Variants in CABLES1 observed in about 807,000 individuals in gnomAD.
CABLES1 encodes Cdk5 and Abl enzyme substrate 1.
Under a neutral mutation model 57.8 loss-of-function variants are expected in CABLES1, and 36 were observed. The observed-to-expected ratio is 0.62, with a 90% CI of 0.48 to 0.82. The LOEUF (loss-of-function observed/expected upper bound fraction) is 0.82, where lower values mean the gene tolerates loss of function less well. Ranked by LOEUF, CABLES1 falls within the 40% of genes least tolerant of loss-of-function variation. The pLI is 0.00. For missense variants in CABLES1, 767 were observed against 836.6 expected, an observed-to-expected ratio of 0.92 and a Z score of 1.03; for synonymous variants, 374 against 363.0, an observed-to-expected ratio of 1.03 and a Z score of -0.35.
At chr18:23,214,121 T>G (rs778417164) in intron 4 of CABLES1, 67 bp downstream of exon 4, 5 of 1,104,504 alleles carry the variant, frequency 4.5e-6, no homozygotes, top group Non-Finnish European at 5.4e-6. Context: ...GTACATAATG[T>G]GGCCATCCTT....
At chr18:23,250,113 G>C (rs931865217) in intron 7 of CABLES1, among the ~76,000 whole-genome samples, 9 of 152,192 alleles carry the variant, frequency 5.9e-5, no homozygotes, top group African/African-American at 2.2e-4. Flanking sequence ...TGGTTGCTGC[G>C]AGGAGAGATC....
At chr18:23,224,558 GA>G (rs2047513093) in intron 4 of CABLES1, among the ~76,000 whole-genome samples, 2 of 144,876 alleles carry the variant, frequency 1.4e-5, no homozygotes, top group African/African-American at 5.0e-5. Flanking sequence ...TCCAGTCACA[GA>G]GCTTTTTTTT....
intron 5 of CABLES1, among the ~76,000 whole-genome samples, chr18:23,235,516 C>A (rs1328492254): frequency 1.3e-5 from 2 of 152,222 alleles, no homozygotes; most frequent in Non-Finnish European, 2.9e-5. Context: ...ACCAGGGACT[C>A]TTGGGGCCTG....
At chr18:23,231,640 G>A (rs974884987) in intron 4 of CABLES1, among the ~76,000 whole-genome samples, 3 of 152,186 alleles carry the variant, frequency 2.0e-5, no homozygotes, top group Non-Finnish European at 4.4e-5. Flanking sequence ...CTTTCTTGTG[G>A]TCCCAAGTGT....
chr18:23,184,743 C>G (rs1482949173), intron 1 of CABLES1, among the ~76,000 whole-genome samples: 1 of 152,110 alleles, frequency 6.6e-6, no homozygotes, highest in Non-Finnish European at 1.5e-5. Context: ...AATGTATTTT[C>G]TCACAGGTCT....
At chr18:23,201,365 G>A (rs2047324235) in intron 3 of CABLES1, among the ~76,000 whole-genome samples, 1 of 152,238 alleles carries the variant, frequency 6.6e-6, no homozygotes, top group East Asian at 1.9e-4. Flanking sequence ...CCCATCTGTG[G>A]TGTTGCCATC....
chr18:23,154,027 CA>C (rs894649365), intron 1 of CABLES1, among the ~76,000 whole-genome samples: 10 of 150,498 alleles, frequency 6.6e-5, no homozygotes, highest in East Asian at 5.8e-4. Flanking sequence ...AAGACTGTCT[CA>C]AAAAAAAATT....
chr18:23,154,051 C>G (rs1180222241), intron 1 of CABLES1, among the ~76,000 whole-genome samples: 1 of 152,046 alleles, frequency 6.6e-6, no homozygotes, highest in African/African-American at 2.4e-5. Flanking sequence ...AGAAATGTCC[C>G]AAATCAGATT....
chr18:23,244,078 G>A (rs1454551514), intron 7 of CABLES1, among the ~76,000 whole-genome samples: 4 of 152,122 alleles, frequency 2.6e-5, no homozygotes, highest in East Asian at 1.9e-4. Context: ...TGAACATGAC[G>A]TTCCACGCAG....
chr18:23,143,082 A>G (rs952122582), intron 1 of CABLES1, among the ~76,000 whole-genome samples: 1 of 152,168 alleles, frequency 6.6e-6, no homozygotes, highest in African/African-American at 2.4e-5. Context: ...TGCTTGTTAA[A>G]TAGGCTTCAG....
At chr18:23,168,438 A>G (rs1479263743) in intron 1 of CABLES1, among the ~76,000 whole-genome samples, 1 of 152,180 alleles carries the variant, frequency 6.6e-6, no homozygotes, top group Non-Finnish European at 1.5e-5. Flanking sequence ...AGAAAGTAGA[A>G]TAATGGCTGC....
chr18:23,211,518 G>A (rs1156926668), intron 3 of CABLES1, among the ~76,000 whole-genome samples: 2 of 152,358 alleles, frequency 1.3e-5, no homozygotes, highest in East Asian at 3.9e-4. Flanking sequence ...GCCCCTCCCT[G>A]CACTGGGCAT....
At chr18:23,228,110 T>C (rs1444941124) in intron 4 of CABLES1, among the ~76,000 whole-genome samples, 2 of 152,214 alleles carry the variant, frequency 1.3e-5, no homozygotes, top group Admixed American at 6.5e-5. Context: ...TTGTCTTTTT[T>C]TAAGAGAGTA....
At chr18:23,256,191 G>A (rs73966110) in intron 9 of CABLES1, among the ~76,000 whole-genome samples, 13,953 of 152,252 alleles carry the variant, frequency 0.092, 1,179 homozygotes, top group African/African-American at 0.22. Flanking sequence ...AAGCTGGGTT[G>A]ACGCCAAGGC....
chr18:23,249,023 G>C (rs1158819532), intron 7 of CABLES1, among the ~76,000 whole-genome samples: 1 of 152,204 alleles, frequency 6.6e-6, no homozygotes, highest in African/African-American at 2.4e-5. Flanking sequence ...GGCACTGGCT[G>C]CTGGCTCCAG....
chr18:23,226,378 G>A (rs1774156662), intron 4 of CABLES1, among the ~76,000 whole-genome samples: 2 of 150,190 alleles, frequency 1.3e-5, no homozygotes, highest in African/African-American at 4.9e-5. Flanking sequence ...CTCCAGCTTG[G>A]GCAACAGAGT....
intron 1 of CABLES1, among the ~76,000 whole-genome samples, chr18:23,181,947 C>G (rs1198568198): frequency 1.3e-5 from 2 of 152,222 alleles, no homozygotes; most frequent in African/African-American, 4.8e-5. Context: ...CACCTGTGTA[C>G]TTGAGGTATC....
intron 7 of CABLES1, among the ~76,000 whole-genome samples, chr18:23,252,505 G>A (rs773209477): frequency 9.2e-5 from 14 of 152,216 alleles, no homozygotes; most frequent in Non-Finnish European, 1.9e-4. Context: ...AGTAGGCACT[G>A]TTACTGTTTT....
chr18:23,230,329 A>G (rs60367078), intron 4 of CABLES1, among the ~76,000 whole-genome samples: 8,925 of 152,278 alleles, frequency 0.059, 695 homozygotes, highest in Admixed American at 0.23. Flanking sequence ...CTGAGATCGC[A>G]CCACTGCACT....
Sources: gnomAD v4.1 joint callset for allele counts (sites outside exome capture counted in the v4.1 genomes callset) on GRCh38, gnomAD v4.1.1 for gene constraint, MANE v1.5 for transcripts, NCBI Gene and HGNC (gene_info 2026-07-23, HGNC 2026-07-21) for gene names.